RTKN2: variants seen among roughly 807,000 people sequenced by gnomAD.
RTKN2 encodes the protein rhotekin 2.
A neutral mutation model predicts 71.5 loss-of-function variants in RTKN2; 69 were observed. The observed-to-expected ratio is 0.96, with a 90% CI of 0.79 to 1.18. The LOEUF (loss-of-function observed/expected upper bound fraction) is 1.18, where lower values mean the gene tolerates loss of function less well. RTKN2 is among the 50% of genes most tolerant of loss of function. The probability of loss-of-function intolerance (pLI) is 0.00; values close to 1 mark genes in which losing one functional copy is unlikely to be tolerated. For synonymous variants in RTKN2, 236 were observed against 236.5 expected, an observed-to-expected ratio of 1.00 and a Z score of 0.02; for missense variants, 724 against 719.7, an observed-to-expected ratio of 1.01 and a Z score of -0.07.
chr10:62,204,033 AT>A, intron 10 of RTKN2, among the ~76,000 whole-genome samples: 1 of 152,192 alleles, frequency 6.6e-6, no homozygotes, highest in East Asian at 1.9e-4. Context: ...CCCTAGGATT[AT>A]TTCCATGAGT....
At position 62,262,626 on chromosome 10, in the gene RTKN2, A is replaced by G. The variant is rs759289507; in HGVS notation, c.256T>C (p.Cys86Arg). The change falls in exon 2 of 12, where the codon TGT (cysteine) becomes CGT (arginine). Residue 86 changes from cysteine to arginine, a missense_variant and splice_region_variant. Coordinates refer to ENST00000373789, the MANE Select transcript of RTKN2 (RefSeq NM_145307.4). ...CCACAGGTAAACTATGTTACTAACC[A>G]TCTTCCAGTCTGATTTGCAATCTGT... ...EEQIANQTGR[C>R]DVKFESKERT... is the part of the protein sequence containing the mutation. The G allele has an allele frequency of 5.6e-6, 9 of 1,595,306 alleles. No individual in the cohort carries two copies. The highest frequency in any genetic ancestry group is 7.7e-6 in the Non-Finnish European group (9 of 1,167,284).
rs1841326433 is a variant in RTKN2 at position 62,196,127 on chromosome 10, GAC to G, written c.*1779_*1780del. The G allele has an allele frequency of 3.0e-6, 3 of 984,390 alleles. No homozygotes were observed. Among genetic ancestry groups the G allele is most frequent in the Non-Finnish European group, 3.6e-6 (3 of 829,216 alleles). 61.0% of individuals were successfully genotyped at this position (984,390 alleles called of 1,614,324 possible). On this transcript the variant is annotated 3_prime_UTR_variant, in exon 12 of 12. Coordinates refer to ENST00000373789, the MANE Select transcript of RTKN2 (RefSeq NM_145307.4). Reference sequence around the variant, plus strand: ...TCTAGCTCAATAATTTAGTGGCAATGACAGTCACAAATGCTGTCAAAAACAGC... The same window carrying G: ...TCTAGCTCAATAATTTAGTGGCAATGAGTCACAAATGCTGTCAAAAACAGC...
intron 6 of RTKN2, among the ~76,000 whole-genome samples, chr10:62,235,207 G>A (rs1842230299): frequency 6.6e-6 from 1 of 152,068 alleles, no homozygotes; most frequent in Admixed American, 6.6e-5. Flanking sequence ...GACCTTGTTT[G>A]GATTCCGATT....
At chr10:62,209,564 G>A (rs562705761) in intron 9 of RTKN2, among the ~76,000 whole-genome samples, 3 of 152,110 alleles carry the variant, frequency 2.0e-5, no homozygotes, top group East Asian at 3.9e-4. Flanking sequence ...TAATCACCCA[G>A]GTATTAAGCC....
At chr10:62,200,092 G>A (rs192598226) in intron 10 of RTKN2, among the ~76,000 whole-genome samples, 404 of 152,084 alleles carry the variant, frequency 2.7e-3, no homozygotes, top group Non-Finnish European at 5.0e-3. Flanking sequence ...GGCCGGGCAC[G>A]GTGGCTCATG....
chr10:62,196,189 C>A lies in RTKN2; in HGVS notation c.*1719G>T. The A allele has an allele frequency of 6.1e-6, 6 of 977,254 alleles. No individual in the cohort carries two copies. Among genetic ancestry groups the A allele is most frequent in the Non-Finnish European group, 7.3e-6 (6 of 822,604 alleles). 60.5% of individuals were successfully genotyped at this position (977,254 alleles called of 1,614,324 possible). On this transcript the variant is annotated 3_prime_UTR_variant, in exon 12 of 12. Transcript: ENST00000373789. ...TTAAAAAATAACCCAAAAATTCAAA[C>A]AATAATATCCTTTAGATTTTTAATG...
chr10:62,185,008 T>C (rs1201693868), intron 8 of RTKN2, among the ~76,000 whole-genome samples: 1 of 152,180 alleles, frequency 6.6e-6, no homozygotes, highest in African/African-American at 2.4e-5. Flanking sequence ...CCAGGGCCCC[T>C]GCCATCATCA....
intron 1 of RTKN2, among the ~76,000 whole-genome samples, chr10:62,266,144 A>G (rs1322169017): frequency 6.6e-6 from 1 of 152,244 alleles, no homozygotes; most frequent in Non-Finnish European, 1.5e-5. Flanking sequence ...AAGTAGTTAA[A>G]GTCAGGCTGA....
intron 9 of RTKN2, among the ~76,000 whole-genome samples, chr10:62,210,961 T>C (rs1044413638): frequency 6.6e-6 from 1 of 152,148 alleles, no homozygotes; most frequent in African/African-American, 2.4e-5. Context: ...ATAAATATAA[T>C]AGTTAAAAGT....
At chr10:62,244,397 T>C (rs1159717994) in intron 3 of RTKN2, among the ~76,000 whole-genome samples, 1 of 152,148 alleles carries the variant, frequency 6.6e-6, no homozygotes, top group Non-Finnish European at 1.5e-5. Context: ...AGGAAATAGT[T>C]TTTTATTTTA....
intron 1 of RTKN2, among the ~76,000 whole-genome samples, chr10:62,267,613 A>C (rs1050753396): frequency 2.0e-5 from 3 of 152,220 alleles, no homozygotes; most frequent in Admixed American, 2.0e-4. Context: ...TTTTCACAGT[A>C]TTATTGAAAA....
chr10:62,188,452 T>G (rs1372498584), downstream of RTKN2, among the ~76,000 whole-genome samples: 1 of 152,148 alleles, frequency 6.6e-6, no homozygotes, highest in Admixed American at 6.5e-5. Context: ...TAGAAATGAA[T>G]CACTAAGTCC....
At chr10:62,258,823 G>A (rs1240930199) in intron 2 of RTKN2, among the ~76,000 whole-genome samples, 1 of 152,054 alleles carries the variant, frequency 6.6e-6, no homozygotes, top group Non-Finnish European at 1.5e-5. Context: ...TGGCAGCTTG[G>A]AGCAATAGTT....
At chr10:62,229,452 A>C (rs1842103308) in intron 6 of RTKN2, among the ~76,000 whole-genome samples, 1 of 152,234 alleles carries the variant, frequency 6.6e-6, no homozygotes, top group Non-Finnish European at 1.5e-5. Context: ...TATTCTTAAC[A>C]CACGTATGTT....
At chr10:62,257,182 C>A (rs1361186643) in intron 2 of RTKN2, among the ~76,000 whole-genome samples, 1 of 152,174 alleles carries the variant, frequency 6.6e-6, no homozygotes, top group Non-Finnish European at 1.5e-5. Context: ...AAGCTCCAGG[C>A]ACCAAATCCT....
Position 62,193,270 on chromosome 10 carries a change from T to G in RTKN2, c.*4638A>C. ...TTATGTATATACAAGATCTTTTCAATCTACCTCTCCTTTAGTAGTTACATT... is the reference window on the plus strand; with the variant it reads ...TTATGTATATACAAGATCTTTTCAAGCTACCTCTCCTTTAGTAGTTACATT... On this transcript the variant is annotated 3_prime_UTR_variant, in exon 12 of 12. Coordinates refer to ENST00000373789, the MANE Select transcript of RTKN2 (RefSeq NM_145307.4). 1.0e-6 allele frequency: 1 copy of G among 969,866 alleles called. No individual in the cohort carries two copies. The highest frequency in any genetic ancestry group is 1.2e-6 in the Non-Finnish European group (1 of 815,764). 60.1% of individuals were successfully genotyped at this position (969,866 alleles called of 1,614,324 possible).
At chr10:62,252,299 T>G (rs1354905494) in intron 2 of RTKN2, among the ~76,000 whole-genome samples, 2 of 152,056 alleles carry the variant, frequency 1.3e-5, no homozygotes, top group African/African-American at 4.8e-5. Context: ...AGCAAAGTCT[T>G]CACAAAACTC....
At chr10:62,228,090 G>C (rs1411861868) in intron 6 of RTKN2, among the ~76,000 whole-genome samples, 1 of 152,170 alleles carries the variant, frequency 6.6e-6, no homozygotes, top group Non-Finnish European at 1.5e-5. Flanking sequence ...CAGGCAACTG[G>C]ATATATGAGT....
intron 9 of RTKN2, among the ~76,000 whole-genome samples, chr10:62,208,465 C>T (rs928392518): frequency 2.0e-5 from 3 of 152,084 alleles, no homozygotes; most frequent in Non-Finnish European, 4.4e-5. Flanking sequence ...AGAGTCAACT[C>T]GAAGGGGCTT....
Sources: gnomAD v4.1 joint callset for allele counts (sites outside exome capture counted in the v4.1 genomes callset) on GRCh38, gnomAD v4.1.1 for gene constraint, MANE v1.5 for transcripts, NCBI Gene and HGNC (gene_info 2026-07-23, HGNC 2026-07-21) for gene names.